Variants in MTR observed in about 807,000 individuals in gnomAD.
MTR encodes the protein methionine synthase.
Under a neutral mutation model 154.8 loss-of-function variants are expected in MTR, and 84 were observed. That is an observed-to-expected ratio of 0.54 (90% CI 0.45 to 0.65). The LOEUF (loss-of-function observed/expected upper bound fraction) is 0.65. Among genes scored for constraint, MTR ranks in the 30% least tolerant of loss-of-function variants. The pLI, the probability that MTR is intolerant of heterozygous loss-of-function variation, is 0.00. For synonymous variants in MTR, 554 were observed against 553.9 expected, an observed-to-expected ratio of 1.00 and a Z score of 0.00; for missense variants, 1,275 against 1,570.2, an observed-to-expected ratio of 0.81 and a Z score of 3.18.
At chr1:236,845,046 C>T (rs1337614656) in intron 15 of MTR, among the ~76,000 whole-genome samples, 1 of 151,244 alleles carries the variant, frequency 6.6e-6, no homozygotes, top group Non-Finnish European at 1.5e-5. Context: ...GAGGTTATTT[C>T]GTTTAGTCTT....
At chr1:236,816,291 C>G (rs150193053) in intron 7 of MTR, among the ~76,000 whole-genome samples, 158 bp from the exon 8 acceptor site, 204 of 152,280 alleles carry the variant, frequency 1.3e-3, no homozygotes, top group African/African-American at 4.7e-3. Context: ...CATGTCTGTT[C>G]TGACTATTAT....
At chr1:236,871,061 G>A (rs1040844506) in intron 22 of MTR, among the ~76,000 whole-genome samples, 4 of 152,122 alleles carry the variant, frequency 2.6e-5, no homozygotes, top group African/African-American at 9.7e-5. Context: ...ATCTAAGTCA[G>A]ATTTCTTACT....
At chr1:236,824,052 A>G in intron 8 of MTR, 67 bp from the exon 9 acceptor site, 1 of 1,304,568 alleles carries the variant, frequency 7.7e-7, no homozygotes, top group South Asian at 1.2e-5. Context: ...TTGTCTCCAT[A>G]TATAACTTAT....
rs1666839920 is a variant in MTR at position 236,899,776 on chromosome 1, TA to T, written c.*2139del. The T allele has an allele frequency of 6.6e-6, 1 of 152,312 alleles. No homozygotes were observed. The highest frequency in any genetic ancestry group is 1.9e-4 in the East Asian group (1 of 5,176). The allele number at this position is 152,312 out of a possible 1,614,324, so 9.4% of individuals were successfully genotyped here. A position where few individuals can be genotyped will look rare whatever the true frequency, so the allele number is the denominator to read the frequency against. ...ATCACAAATATAGAGAATTCCTATT[TA>T]AAAAAATAGAAAAATAGTGAAGACT... On this transcript the variant is annotated 3_prime_UTR_variant, in exon 33 of 33. Coordinates refer to ENST00000366577, the MANE Select transcript of MTR (RefSeq NM_000254.3).
At chr1:236,888,554 T>C (rs889419633) in intron 27 of MTR, among the ~76,000 whole-genome samples, 5 of 152,264 alleles carry the variant, frequency 3.3e-5, no homozygotes, top group African/African-American at 1.2e-4. Context: ...TTATATTAAT[T>C]GAATCCATAT....
intron 8 of MTR, among the ~76,000 whole-genome samples, chr1:236,822,918 A>T (rs1486074154): frequency 2.0e-5 from 3 of 152,190 alleles, no homozygotes; most frequent in Non-Finnish European, 4.4e-5. Flanking sequence ...TCATCTTAGC[A>T]TTAAAGCATC....
At chr1:236,863,866 A>G (rs1040242410) in intron 22 of MTR, among the ~76,000 whole-genome samples, 5 of 152,170 alleles carry the variant, frequency 3.3e-5, no homozygotes, top group African/African-American at 1.2e-4. Context: ...CCGGAATATC[A>G]GGCTCCTTCC....
At chr1:236,839,416 A>G (rs896086648) in intron 15 of MTR, among the ~76,000 whole-genome samples, 22 of 152,208 alleles carry the variant, frequency 1.4e-4, no homozygotes, top group African/African-American at 5.1e-4. Flanking sequence ...TAAACTTATG[A>G]GAAGATACTA....
chr1:236,880,607 T>G, intron 24 of MTR, 148 bp from the exon 25 acceptor site: 1 of 740,808 alleles, frequency 1.3e-6, no homozygotes, highest in Non-Finnish European at 2.4e-6. Flanking sequence ...CGAGGGAAAT[T>G]TGAAGTTCAG....
At chr1:236,822,124 A>C (rs1370696646) in intron 8 of MTR, among the ~76,000 whole-genome samples, 1 of 152,186 alleles carries the variant, frequency 6.6e-6, no homozygotes, top group East Asian at 1.9e-4. Context: ...GATTCTGTTG[A>C]ATATAGATCA....
At chr1:236,865,349 T>C (rs186376364) in intron 22 of MTR, among the ~76,000 whole-genome samples, 3 of 152,390 alleles carry the variant, frequency 2.0e-5, no homozygotes, top group Admixed American at 2.0e-4. Context: ...ACATAGACTC[T>C]TCCATTGGTG....
chr1:236,796,842 A>G (rs890894394), intron 1 of MTR, among the ~76,000 whole-genome samples: 1 of 152,036 alleles, frequency 6.6e-6, no homozygotes, highest in Non-Finnish European at 1.5e-5. Context: ...TATTGAATAA[A>G]TGATCATAGG....
chr1:236,870,158 A>G (rs889166796), intron 22 of MTR, among the ~76,000 whole-genome samples: 1 of 152,198 alleles, frequency 6.6e-6, no homozygotes, highest in Non-Finnish European at 1.5e-5. Context: ...CATAAGTGTC[A>G]TTTCAGTGTG....
chr1:236,841,647 C>CTT (rs376000408), intron 15 of MTR, among the ~76,000 whole-genome samples: 13,538 of 145,840 alleles, frequency 0.093, 1,401 homozygotes, highest in African/African-American at 0.25. Flanking sequence ...CTTGGTTAAT[C>CTT]TTTTTTTTTT....
intron 32 of MTR, among the ~76,000 whole-genome samples, 182 bp downstream of exon 32, chr1:236,897,300 CCACACACACGCA>C (rs1558350608): frequency 3.3e-5 from 1 of 30,714 alleles, no homozygotes; most frequent in African/African-American, 9.7e-5. Context: ...TACATGCAAG[CCACACACACGCA>C]CACACACACA....
chr1:236,806,060 A>G (rs1043389998), intron 2 of MTR, 84 bp from the exon 3 acceptor site: 1 of 1,093,448 alleles, frequency 9.1e-7, no homozygotes, highest in Non-Finnish European at 1.4e-6. Flanking sequence ...GCTGCTGATA[A>G]TGGTGGTAAT....
intron 11 of MTR, among the ~76,000 whole-genome samples, chr1:236,828,823 T>A (rs1662445760): frequency 6.6e-6 from 1 of 152,010 alleles, no homozygotes; most frequent in African/African-American, 2.4e-5. Flanking sequence ...AAGGATTGTG[T>A]GTGTGTAGAT....
chr1:236,815,953 C>T (rs775153555), intron 7 of MTR, among the ~76,000 whole-genome samples: 3 of 152,128 alleles, frequency 2.0e-5, no homozygotes, highest in Admixed American at 2.0e-4. Flanking sequence ...CTCATTAGGG[C>T]CCAAGGAGGG....
rs41305572 is a variant in MTR at position 236,795,553 on chromosome 1, C to A, written c.-151C>A. 6.5e-6 allele frequency: 10 copies of A among 1,543,424 alleles called. No individual in the cohort carries two copies. The highest frequency in any genetic ancestry group is 8.7e-6 in the Non-Finnish European group (10 of 1,149,704). Reference sequence around the variant, plus strand: ...CGGGCTTTCGGGGTCCGCAGTCCCCCCGCGACGCGAGCCAACGGGAGGCGT... The same window carrying A: ...CGGGCTTTCGGGGTCCGCAGTCCCCACGCGACGCGAGCCAACGGGAGGCGT... On this transcript the variant is annotated 5_prime_UTR_variant, in exon 1 of 33. Coordinates refer to ENST00000366577, the MANE Select transcript of MTR (RefSeq NM_000254.3).
Sources: allele counts gnomAD v4.1 joint callset (sites outside exome capture counted in the v4.1 genomes callset), GRCh38; gene constraint gnomAD v4.1.1; transcripts MANE v1.5; gene names NCBI Gene and HGNC (gene_info 2026-07-23, HGNC 2026-07-21).